The following AGTPBP1 variants were observed in gnomAD, a reference collection of about 807,000 sequenced individuals.
The protein encoded by AGTPBP1 is ATP/GTP binding carboxypeptidase 1, also known as cytosolic carboxypeptidase 1.
AGTPBP1 carries 70 observed loss-of-function variants against 143.9 expected under a neutral mutation model. The observed-to-expected ratio is 0.49, with a 90% CI of 0.40 to 0.59. The LOEUF is 0.59. Ranked by LOEUF, AGTPBP1 falls within the 20% of genes least tolerant of loss-of-function variation. The probability of loss-of-function intolerance (pLI) is 0.00; values close to 1 mark genes in which losing one functional copy is unlikely to be tolerated. For synonymous variants in AGTPBP1, 463 were observed against 500.2 expected, an observed-to-expected ratio of 0.93 and a Z score of 0.99; for missense variants, 1,229 against 1,464.5, an observed-to-expected ratio of 0.84 and a Z score of 2.62.
Position 85,696,390 on chromosome 9 carries a change from G to A in AGTPBP1, c.33-3577C>T, listed in dbSNP as rs549032909. 8.5e-5 allele frequency among the ~76,000 whole-genome samples: 13 copies of A among 152,172 alleles called. No homozygotes were observed. The South Asian group carries it at 2.7e-3, about 32-fold the overall frequency. The stretch of plus-strand genomic sequence containing the variant: ...GTGTAAAAAATGTGTCAACCCGGTC[G>A]GGCGCAGTGGCTCATGCCTGTAATT... On this transcript the variant is annotated intron_variant, in intron 2 of 25. Transcript: ENST00000357081.
intron 17 of AGTPBP1, among the ~76,000 whole-genome samples, chr9:85,608,992 G>A (rs1830150939): frequency 6.6e-6 from 1 of 152,108 alleles, no homozygotes. Context: ...TACGGACAGT[G>A]GGGCCCAAAA....
chr9:85,643,584 T>A (rs1195522027), intron 12 of AGTPBP1, among the ~76,000 whole-genome samples: 1 of 152,132 alleles, frequency 6.6e-6, no homozygotes. Context: ...AAAAACTCAG[T>A]GTCACCATTC....
At chr9:85,624,989 A>C (rs964942788) in intron 14 of AGTPBP1, among the ~76,000 whole-genome samples, 1 of 152,180 alleles carries the variant, frequency 6.6e-6, no homozygotes, top group Non-Finnish European at 1.5e-5. Context: ...ACCACTGCAC[A>C]TTATTCATAA....
chr9:85,618,654 CAACAT>C (rs1830733267), intron 17 of AGTPBP1, among the ~76,000 whole-genome samples: 1 of 151,630 alleles, frequency 6.6e-6, no homozygotes, highest in Non-Finnish European at 1.5e-5. Flanking sequence ...AAAAATCAAT[CAACAT>C]AATATACCAT....
At position 85,657,686 on chromosome 9, in the gene AGTPBP1, G is replaced by T. The variant is rs749088671; in HGVS notation, c.701-43C>A. The T allele has an allele frequency of 3.5e-6, 5 of 1,424,324 alleles. No homozygotes were observed. The South Asian group carries it at 5.0e-5, about 14-fold the overall frequency. 88.2% of individuals were successfully genotyped at this position (1,424,324 alleles called of 1,614,324 possible). A position where few individuals can be genotyped will look rare whatever the true frequency, so the allele number is the denominator to read the frequency against. On this transcript the variant is annotated intron_variant, in intron 9 of 25. Coordinates refer to ENST00000357081, the MANE Select transcript of AGTPBP1 (RefSeq NM_001330701.2). ...TGAGAAAGAATATTTTTTAAATGAC[G>T]AGAGTGAGTGGTAGAATAATCAAAT...
chr9:85,649,011 A>T (rs1301658639), intron 11 of AGTPBP1, among the ~76,000 whole-genome samples: 2 of 152,182 alleles, frequency 1.3e-5, no homozygotes, highest in Admixed American at 6.5e-5. Context: ...GTAGCTTAAG[A>T]GCGTCTGAGA....
chr9:85,800,809 G>GTA, the AGTPBP1 span, among the ~76,000 whole-genome samples: 1 of 94,060 alleles, frequency 1.1e-5, no homozygotes, highest in Admixed American at 8.7e-5. Flanking sequence ...TAGAATGGTT[G>GTA]TGTGTGTGTG....
At chr9:85,797,497 T>C in the AGTPBP1 span, among the ~76,000 whole-genome samples, 7 of 152,198 alleles carry the variant, frequency 4.6e-5, no homozygotes, top group South Asian at 2.1e-4. Context: ...TTCAGACATA[T>C]TAGGTAATCC....
At chr9:85,646,501 A>G in intron 11 of AGTPBP1, 83 bp from the exon 12 acceptor site, 2 of 911,146 alleles carry the variant, frequency 2.2e-6, no homozygotes, top group Non-Finnish European at 1.7e-6. Flanking sequence ...TGACTTATAT[A>G]AAGTATTTCA....
chr9:85,751,130 A>C, the AGTPBP1 span, among the ~76,000 whole-genome samples: 5 of 152,088 alleles, frequency 3.3e-5, no homozygotes, highest in African/African-American at 1.2e-4. Context: ...TGATACCTTT[A>C]CTTATCATCC....
At chr9:85,740,096 T>A (rs1412437978) in intron 1 of AGTPBP1, among the ~76,000 whole-genome samples, 4 of 152,226 alleles carry the variant, frequency 2.6e-5, no homozygotes, top group Non-Finnish European at 5.9e-5. Flanking sequence ...CATTATTATA[T>A]AGCAGCCTAG....
chr9:85,669,005 G>GTA (rs1834311070), intron 8 of AGTPBP1, among the ~76,000 whole-genome samples: 1 of 72,596 alleles, frequency 1.4e-5, no homozygotes, highest in South Asian at 4.3e-4. Flanking sequence ...GTGTGTGTGT[G>GTA]TGTATACATA....
At chr9:85,713,485 C>A (rs369573181) in intron 1 of AGTPBP1, among the ~76,000 whole-genome samples, 1 of 152,110 alleles carries the variant, frequency 6.6e-6, no homozygotes, top group Non-Finnish European at 1.5e-5. Flanking sequence ...GAGCCAAGAT[C>A]GTACCATTGT....
At position 85,669,522 on chromosome 9, in the gene AGTPBP1, T is replaced by C; in HGVS notation, c.625A>G (p.Ile209Val). Residue 209 changes from isoleucine (I) to valine (V), a missense_variant, in exon 8 of 26, where the codon ATT becomes GTT. Ile to Val is a conservative substitution (Grantham distance 29). Around this residue, in one of 2 missense-constraint regions of AGTPBP1, gnomAD observed 743 missense variants for 812.2 expected, o/e 0.91. Transcript: ENST00000357081. ...NGVVELMFKI[I>V]GPFSKKNSSL... is the part of the protein sequence containing the mutation. ...GAATTCTTCTTACTAAATGGTCCAATGATTTTAAACATCAGTTCCACAACT... is the reference window on the plus strand; with the variant it reads ...GAATTCTTCTTACTAAATGGTCCAACGATTTTAAACATCAGTTCCACAACT... 1 of 1,612,110 alleles carries C rather than the reference T, an allele frequency of 6.2e-7. No homozygotes were observed.
chr9:85,563,733 C>CCAAGA (rs1239242457), intron 25 of AGTPBP1, among the ~76,000 whole-genome samples: 1 of 152,134 alleles, frequency 6.6e-6, no homozygotes, highest in East Asian at 1.9e-4. Context: ...GAGCTATTGT[C>CCAAGA]CAAGACAAGA....
chr9:85,703,117 G>A (rs1836775470), intron 2 of AGTPBP1, among the ~76,000 whole-genome samples: 2 of 152,174 alleles, frequency 1.3e-5, no homozygotes. Flanking sequence ...TGTCCCAGTT[G>A]CATTTGGCAG....
chr9:85,799,638 C>T, the AGTPBP1 span, among the ~76,000 whole-genome samples: 1 of 152,176 alleles, frequency 6.6e-6, no homozygotes, highest in African/African-American at 2.4e-5. Flanking sequence ...GCCTCAGCCT[C>T]CCAAGTAGCT....
chr9:85,669,303 T>C (rs1374462471), intron 8 of AGTPBP1, among the ~76,000 whole-genome samples, 182 bp downstream of exon 8: 1 of 151,988 alleles, frequency 6.6e-6, no homozygotes, highest in East Asian at 1.9e-4. Flanking sequence ...TTTGAGATAT[T>C]TGTGAAGATT....
chr9:85,650,926 A>G (rs1394031625), intron 11 of AGTPBP1, among the ~76,000 whole-genome samples: 3 of 152,302 alleles, frequency 2.0e-5, no homozygotes, highest in Non-Finnish European at 2.9e-5. Context: ...TTGTTTAACA[A>G]TAATACTTTC....
Sources: allele counts gnomAD v4.1 joint callset (sites outside exome capture counted in the v4.1 genomes callset), GRCh38; gene constraint gnomAD v4.1.1; regional missense constraint gnomAD v4.1.1; transcripts MANE v1.5; gene names NCBI Gene and HGNC (gene_info 2026-07-23, HGNC 2026-07-21).